The following TRPM3 variants were observed in gnomAD, a reference collection of about 807,000 sequenced individuals.
TRPM3 encodes the protein long transient receptor potential channel 3.
TRPM3 carries 77 observed loss-of-function variants against 181.2 expected under a neutral mutation model. The observed-to-expected ratio is 0.42, with a 90% CI of 0.35 to 0.51. TRPM3 has a LOEUF of 0.51. Ranked by LOEUF, TRPM3 falls within the 20% of genes least tolerant of loss-of-function variation. The pLI is 0.01. For missense variants in TRPM3, 1,759 were observed against 2,196.7 expected (o/e 0.80, Z 3.98); for synonymous variants, 745 against 796.4 (o/e 0.94, Z 1.09).
chr9:70,796,883 C>G lies in TRPM3; in HGVS notation c.974-12604G>C, dbSNP rs2087202509. Among the ~76,000 whole-genome samples the G allele has an allele frequency of 2.0e-5, 3 of 152,152 alleles. No individual in the cohort carries two copies. In the East Asian group the frequency reaches 5.8e-4, roughly 29 times the overall value. On this transcript the variant is annotated intron_variant, in intron 6 of 25. Coordinates refer to ENST00000677713, the MANE Select transcript of TRPM3 (RefSeq NM_001366145.2). ...GTGGCTCATGCCTGTAATCCCAGCA[C>G]TTTGGGAGGCCTAGGCAGGAGGATC...
chr9:71,330,735 T>C (rs2090048488), intron 1 of TRPM3, among the ~76,000 whole-genome samples: 1 of 151,782 alleles, frequency 6.6e-6, no homozygotes, highest in Admixed American at 6.6e-5. Flanking sequence ...AAGGGGAATC[T>C]GAGTACAAGG....
chr9:70,765,617 A>G (rs1348314141), intron 7 of TRPM3, among the ~76,000 whole-genome samples: 1 of 151,078 alleles, frequency 6.6e-6, no homozygotes, highest in Non-Finnish European at 1.5e-5. Context: ...AAAACAAAAA[A>G]CAAGTATATT....
chr9:71,106,365 G>C (rs1317378174), intron 1 of TRPM3, among the ~76,000 whole-genome samples: 1 of 152,052 alleles, frequency 6.6e-6, no homozygotes, highest in Non-Finnish European at 1.5e-5. Flanking sequence ...TGAATGGCTT[G>C]GTGCCCTCCC....
chr9:70,683,153 A>AAGGTCAG (rs1233547581), intron 8 of TRPM3, among the ~76,000 whole-genome samples: 1 of 152,232 alleles, frequency 6.6e-6, no homozygotes, highest in Non-Finnish European at 1.5e-5. Flanking sequence ...TTTACGTCCT[A>AAGGTCAG]AGGTCAGAGA....
intron 1 of TRPM3, among the ~76,000 whole-genome samples, chr9:70,907,108 T>A (rs2096477563): frequency 1.3e-5 from 2 of 152,196 alleles, no homozygotes; most frequent in Admixed American, 6.5e-5. Context: ...AAAAATACAG[T>A]TTATGTATGT....
At chr9:70,784,698 T>C (rs2083221960) in intron 6 of TRPM3, among the ~76,000 whole-genome samples, 1 of 152,168 alleles carries the variant, frequency 6.6e-6, no homozygotes, top group Non-Finnish European at 1.5e-5. Context: ...AAGTAGGAAG[T>C]TAAAAAATGC....
chr9:70,809,929 T>C (rs532650983), intron 6 of TRPM3: 1 of 532,690 alleles, frequency 1.9e-6, no homozygotes, highest in African/African-American at 1.9e-5. Context: ...TTTCATGTCA[T>C]GGTTATCCCA....
At chr9:71,012,414 T>G (rs2097753719) in intron 1 of TRPM3, among the ~76,000 whole-genome samples, 1 of 151,924 alleles carries the variant, frequency 6.6e-6, no homozygotes, top group African/African-American at 2.4e-5. Context: ...GTTGTTTTTT[T>G]TTTTTAACAT....
At chr9:71,415,420 TATC>T (rs2093621930) in intron 1 of TRPM3, among the ~76,000 whole-genome samples, 1 of 152,102 alleles carries the variant, frequency 6.6e-6, no homozygotes, top group Admixed American at 6.6e-5. Context: ...TATTTATTAA[TATC>T]ATTCTTTAAA....
At chr9:70,839,192 C>T (rs1019796929) in intron 5 of TRPM3, among the ~76,000 whole-genome samples, 6 of 152,110 alleles carry the variant, frequency 3.9e-5, no homozygotes, top group Admixed American at 6.6e-5. Flanking sequence ...CTTATTTTCC[C>T]TGTAGCTTGA....
At chr9:71,107,565 A>G (rs1430108633) in intron 1 of TRPM3, among the ~76,000 whole-genome samples, 2 of 152,168 alleles carry the variant, frequency 1.3e-5, no homozygotes, top group Non-Finnish European at 2.9e-5. Flanking sequence ...TACCTAGCAG[A>G]GTTTCTGACA....
intron 1 of TRPM3, among the ~76,000 whole-genome samples, chr9:70,914,549 C>A (rs1226251617): frequency 6.6e-6 from 1 of 152,144 alleles, no homozygotes. Context: ...AATTAAAGGG[C>A]ATGGAGTTAC....
chr9:71,191,193 A>G (rs926646128), intron 1 of TRPM3, among the ~76,000 whole-genome samples: 1 of 151,830 alleles, frequency 6.6e-6, no homozygotes, highest in Admixed American at 6.6e-5. Context: ...ATAAAGCTGT[A>G]TTGAATGGGT....
chr9:70,686,599 TCCCTCCCTCCCG>T (rs1254384851), intron 8 of TRPM3, among the ~76,000 whole-genome samples: 3 of 43,248 alleles, frequency 6.9e-5, no homozygotes, highest in South Asian at 1.1e-3. Flanking sequence ...CCTCCCTCCC[TCCCTCCCTCCCG>T]CCCTTCCTGG....
intron 7 of TRPM3, among the ~76,000 whole-genome samples, chr9:70,777,368 G>A (rs1312047092): frequency 4.6e-5 from 7 of 151,982 alleles, no homozygotes; most frequent in African/African-American, 1.5e-4. Context: ...TTTCCTCTCC[G>A]TGGTGCTTTC....
chr9:70,564,789 A>T (rs967097472), intron 22 of TRPM3, among the ~76,000 whole-genome samples: 1 of 152,232 alleles, frequency 6.6e-6, no homozygotes, highest in Admixed American at 6.5e-5. Context: ...GAGGGGTTAT[A>T]TGATATCTAC....
At chr9:70,890,072 G>A (rs1254499783) in intron 1 of TRPM3, among the ~76,000 whole-genome samples, 1 of 147,140 alleles carries the variant, frequency 6.8e-6, no homozygotes, top group African/African-American at 2.5e-5. Context: ...CAAATATAGT[G>A]TACTATATAC....
intron 1 of TRPM3, among the ~76,000 whole-genome samples, chr9:71,439,953 C>T (rs773952671): frequency 5.9e-5 from 9 of 151,814 alleles, no homozygotes; most frequent in Non-Finnish European, 8.8e-5. Context: ...AACCCTGTCG[C>T]TACTAAAAAT....
At chr9:71,305,401 G>A (rs931014144) in intron 1 of TRPM3, among the ~76,000 whole-genome samples, 2 of 152,144 alleles carry the variant, frequency 1.3e-5, no homozygotes, top group Admixed American at 6.5e-5. Flanking sequence ...TACTAGGGGA[G>A]TAAGGCAGAA....
Sources: gnomAD v4.1 joint callset for allele counts (sites outside exome capture counted in the v4.1 genomes callset) on GRCh38, gnomAD v4.1.1 for gene constraint, MANE v1.5 for transcripts, NCBI Gene and HGNC (gene_info 2026-07-23, HGNC 2026-07-21) for gene names.